The following MCM3 variants were observed in gnomAD, a reference collection of about 807,000 sequenced individuals.
The protein encoded by MCM3 is minichromosome maintenance complex component 3, also known as DNA replication licensing factor MCM3.
MCM3 carries 59 observed loss-of-function variants against 91.3 expected under a neutral mutation model. That is an observed-to-expected ratio of 0.65 (90% CI 0.52 to 0.80). The LOEUF (loss-of-function observed/expected upper bound fraction) is 0.80, where lower values mean the gene tolerates loss of function less well. MCM3 is among the 30% of genes least tolerant of loss of function. MCM3 has a pLI of 0.00. For synonymous variants in MCM3, 383 were observed against 379.6 expected (o/e 1.01, Z -0.10); for missense variants, 919 against 1,035.4 (o/e 0.89, Z 1.54).
Position 52,272,306 on chromosome 6 carries a change from C to A in MCM3, c.1822G>T (p.Ala608Ser), listed in dbSNP as rs754057696. The part of the protein sequence containing the change: ...RSQDSMSSDT[A>S]RTSPVTARTL... Reference sequence around the variant, plus strand: ...AGGCTCCCCCAGGCACTCACCCTGGCGGTGTCTGAGCTCATGCTATCCTGG... The same window carrying A: ...AGGCTCCCCCAGGCACTCACCCTGGAGGTGTCTGAGCTCATGCTATCCTGG... Residue 608 changes from alanine (A) to serine (S), a missense_variant, in exon 12 of 17, where the codon GCC becomes TCC. Physicochemically the swap from Ala to Ser is moderately conservative, Grantham distance 99 (BLOSUM62 1). Coordinates refer to ENST00000596288, the MANE Select transcript of MCM3 (RefSeq NM_002388.6). The A allele has an allele frequency of 6.2e-7, 1 of 1,614,010 alleles. No individual in the cohort carries two copies. Among genetic ancestry groups the A allele is most frequent in the Non-Finnish European group, 8.5e-7 (1 of 1,179,944 alleles).
intron 12 of MCM3, among the ~76,000 whole-genome samples, chr6:52,271,623 C>T (rs538223653): frequency 4.9e-4 from 74 of 151,804 alleles, no homozygotes; most frequent in African/African-American, 1.7e-3. Flanking sequence ...GCCTAGCCAA[C>T]AAGAGTGAAA....
chr6:52,280,269 G>C (rs1232435441), intron 4 of MCM3, among the ~76,000 whole-genome samples: 1 of 152,194 alleles, frequency 6.6e-6, no homozygotes, highest in East Asian at 1.9e-4. Context: ...GGTGTACTCA[G>C]CTTGTAAAAA....
chr6:52,284,742 C>T lies in MCM3; in HGVS notation c.-68G>A. On this transcript the variant is annotated 5_prime_UTR_variant, in exon 1 of 17. Transcript: ENST00000596288. ...TTCCCAGGATGACTCCACCCCGGCG[C>T]GAAAACTTCCGAACTCTTCCCGCCA... is the stretch of plus-strand genomic sequence containing the variant. 1 of 1,543,884 alleles carries T rather than the reference C, an allele frequency of 6.5e-7. No homozygotes were observed. The highest frequency in any genetic ancestry group is 8.7e-7 in the Non-Finnish European group (1 of 1,146,140).
chr6:52,279,219 T>G (rs1216004761), intron 5 of MCM3, 142 bp downstream of exon 5: 2 of 702,668 alleles, frequency 2.8e-6, no homozygotes, highest in East Asian at 5.0e-5. Context: ...AAAGAGGTAT[T>G]GAAGGTATCC....
At chr6:52,273,181 A>G (rs1765272327) in intron 11 of MCM3, 49 bp downstream of exon 11, 2 of 1,612,102 alleles carry the variant, frequency 1.2e-6, no homozygotes, top group East Asian at 2.2e-5. Context: ...ATGCTCTAAT[A>G]TAACACATAT....
In MCM3 at chr6:52,279,492, G is replaced by T. The variant is rs553819985; in HGVS notation, c.639C>A (p.Leu213=). Residue 213 remains leucine (L), a synonymous_variant, in exon 5 of 17, where the codon CTC becomes CTA. Transcript: ENST00000596288. ...EMPEKAPAGQ[L]PRSVDVILDD... is the part of the protein sequence containing the mutation. Reference sequence around the variant, plus strand: ...CCAGAATGACGTCCACAGAGCGGGGGAGCTGGCCGGCTGGGGCCTTCTCCG... The same window carrying T: ...CCAGAATGACGTCCACAGAGCGGGGTAGCTGGCCGGCTGGGGCCTTCTCCG... 6.2e-7 allele frequency: 1 copy of T among 1,614,180 alleles called. No individual in the cohort carries two copies. The highest frequency in any genetic ancestry group is 1.7e-5 in the Admixed American group (1 of 60,026).
chr6:52,275,958 T>G (rs2128280517), intron 9 of MCM3: 1 of 299,834 alleles, frequency 3.3e-6, no homozygotes, highest in Non-Finnish European at 6.3e-6. Context: ...TATATACCTG[T>G]TCTGTTTAGA....
intron 9 of MCM3, among the ~76,000 whole-genome samples, 186 bp from the exon 10 acceptor site, chr6:52,274,102 C>T (rs1765366202): frequency 6.6e-6 from 1 of 152,202 alleles, no homozygotes; most frequent in Non-Finnish European, 1.5e-5. Context: ...CTACCTGCAA[C>T]CCTTCTTTAA....
At chr6:52,265,191 T>G (rs1012840193) in intron 16 of MCM3, 1 of 350,486 alleles carries the variant, frequency 2.9e-6, no homozygotes, top group Non-Finnish European at 5.8e-6. Context: ...ACAACCCAAA[T>G]GTCTATCATC....
chr6:52,269,008 G>T, intron 13 of MCM3, 78 bp downstream of exon 13: 1 of 1,472,302 alleles, frequency 6.8e-7, no homozygotes. Flanking sequence ...GTAGCCGTCA[G>T]CCACGGAAGG....
At chr6:52,271,783 A>G (rs1314158199) in intron 12 of MCM3, among the ~76,000 whole-genome samples, 2 of 152,190 alleles carry the variant, frequency 1.3e-5, no homozygotes, top group African/African-American at 2.4e-5. Context: ...CAAATATCAT[A>G]CTCTCTGGGA....
chr6:52,271,571 G>A (rs1765130254), intron 12 of MCM3, among the ~76,000 whole-genome samples: 1 of 152,170 alleles, frequency 6.6e-6, no homozygotes. Flanking sequence ...GAACCAGGGA[G>A]GTGGAGATTG....
In MCM3 at chr6:52,267,895, C is replaced by G. The variant is rs767683936; in HGVS notation, c.2042G>C (p.Ser681Thr). ...ESETEDEEEK[S>T]QEDQEQKRKR... is the part of the protein sequence containing the mutation. ...CCTCTTCTGCTCCTGGTCCTCTTGGCTTTTCTCCTCTTCATCTTCTGTCTC... is the reference window on the plus strand; with the variant it reads ...CCTCTTCTGCTCCTGGTCCTCTTGGGTTTTCTCCTCTTCATCTTCTGTCTC... The change falls in exon 14 of 17, where the codon AGC becomes ACC. Residue 681 changes from serine (S) to threonine (T), a missense_variant. Physicochemically the swap from Ser to Thr is moderately conservative, Grantham distance 58 (BLOSUM62 1). This residue lies in a region of MCM3 where 285 missense variants were observed against 311.4 expected (regional missense o/e 0.92). Coordinates refer to ENST00000596288, the MANE Select transcript of MCM3 (RefSeq NM_002388.6). The G allele has an allele frequency of 2.2e-5, 30 of 1,388,894 alleles. No individual in the cohort carries two copies. Among genetic ancestry groups the G allele is most frequent in the Non-Finnish European group, 3.0e-5 (29 of 980,580 alleles). The allele number at this position is 1,388,894 out of a possible 1,614,324, so 86.0% of individuals were successfully genotyped here.
Position 52,277,084 on chromosome 6 carries a change from G to C in MCM3, c.1148C>G (p.Thr383Ser), listed in dbSNP as rs369096498. The C allele has an allele frequency of 5.6e-6, 9 of 1,613,864 alleles. No individual in the cohort carries two copies. The highest frequency in any genetic ancestry group is 5.9e-6 in the Non-Finnish European group (7 of 1,179,918). ...SSGVGLTAAV[T>S]TDQETGERRL... ...ACCCTTACCTGTTTCCTGGTCTGTG[G>C]TGACAGCAGCCGTCAGACCCACTCC... The change falls in exon 8 of 17, where the codon ACC (threonine) becomes AGC (serine). Residue 383 changes from threonine (T) to serine (S), a missense_variant. Thr to Ser is a moderately conservative substitution (Grantham distance 58, BLOSUM62 1). Transcript: ENST00000596288.
At chr6:52,282,901 A>G in intron 2 of MCM3, 40 bp from the exon 3 acceptor site, 2 of 1,481,230 alleles carry the variant, frequency 1.4e-6, no homozygotes, top group Non-Finnish European at 1.9e-6. Context: ...GACTGGGCAG[A>G]ACTCAAAAAA....
At chr6:52,281,374 A>T (rs1766077635) in intron 4 of MCM3, among the ~76,000 whole-genome samples, 2 of 152,162 alleles carry the variant, frequency 1.3e-5, no homozygotes, top group South Asian at 4.1e-4. Context: ...GTGTTTTCTT[A>T]AAAAAATAAT....
chr6:52,279,703 T>A, intron 4 of MCM3, 104 bp from the exon 5 acceptor site: 2 of 907,222 alleles, frequency 2.2e-6, no homozygotes, highest in Non-Finnish European at 1.7e-6. Flanking sequence ...ATTTTATTAT[T>A]CAGTAACAAA....
At chr6:52,276,182 G>A in intron 9 of MCM3, 86 bp downstream of exon 9, 2 of 1,233,004 alleles carry the variant, frequency 1.6e-6, no homozygotes, top group Non-Finnish European at 2.3e-6. Context: ...TATTCCCCTG[G>A]GTCACCTAGA....
In MCM3 at chr6:52,283,257, T is replaced by G. The variant is rs201868155; in HGVS notation, c.191+37A>C. 12 of 1,552,760 alleles carry G rather than the reference T, an allele frequency of 7.7e-6. No homozygotes were observed. The East Asian group carries it at 2.2e-4, about 29-fold the overall frequency. ...ATCTGGCCAAGAGGGAAGGGAGCCA[T>G]TCTCACTGACAGCCAGTATATCCCC... On this transcript the variant is annotated intron_variant, in intron 2 of 16. Transcript: ENST00000596288.
Sources: gnomAD v4.1 joint callset for allele counts (sites outside exome capture counted in the v4.1 genomes callset) on GRCh38, gnomAD v4.1.1 for gene constraint, gnomAD v4.1.1 regional missense constraint, MANE v1.5 for transcripts, NCBI Gene and HGNC (gene_info 2026-07-23, HGNC 2026-07-21) for gene names.